The following MAD1L1 variants were observed in gnomAD, a reference collection of about 807,000 sequenced individuals.
MAD1L1 encodes the protein mitotic arrest deficient 1 like 1.
MAD1L1 carries 95 observed loss-of-function variants against 96.9 expected under a neutral mutation model. The observed-to-expected ratio is 0.98, with a 90% CI of 0.83 to 1.16. The LOEUF is 1.16. Among genes scored for constraint, MAD1L1 ranks in the 50% most tolerant of loss-of-function variants. The probability of loss-of-function intolerance (pLI) is 0.00; values close to 1 mark genes in which losing one functional copy is unlikely to be tolerated. For synonymous variants in MAD1L1, 473 were observed against 396.6 expected (o/e 1.19, Z -2.29); for missense variants, 1,007 against 954.4 (o/e 1.06, Z -0.73).
chr7:1,843,612 G>A (rs898469394), intron 18 of MAD1L1, among the ~76,000 whole-genome samples: 1 of 152,208 alleles, frequency 6.6e-6, no homozygotes, highest in Non-Finnish European at 1.5e-5. Context: ...CATTGCCAAA[G>A]TGCGTGCTTC....
In MAD1L1 at chr7:1,868,886, C is replaced by CCTG. The variant is rs1784907057; in HGVS notation, c.1998+29311_1998+29313dup. 2.0e-5 allele frequency among the ~76,000 whole-genome samples: 3 copies of CCTG among 152,336 alleles called. No individual in the cohort carries two copies. The South Asian group carries it at 6.2e-4, about 32-fold the overall frequency. On this transcript the variant is annotated intron_variant, in intron 18 of 18. Transcript: ENST00000265854. ...GCACACCAACCCTCTGCATGGAGAA[C>CCTG]CTGGCCTCTTCCCCACACGGACGAA...
In MAD1L1 at chr7:2,119,122, T is replaced by C. The variant is rs989922748; in HGVS notation, c.1073+30030A>G. Among the ~76,000 whole-genome samples, 2 of 152,058 alleles carry C rather than the reference T, an allele frequency of 1.3e-5. No homozygotes were observed. Among genetic ancestry groups the C allele is most frequent in the African/African-American group, 4.8e-5 (2 of 41,402 alleles). On this transcript the variant is annotated intron_variant, in intron 11 of 18. Coordinates refer to ENST00000265854, the MANE Select transcript of MAD1L1 (RefSeq NM_001013836.2). The surrounding 1 kb of genome is among the most constrained non-coding windows in gnomAD (Gnocchi z 4.6). ...GGTGACTGCTGCCCGGTGCTCTTGG[T>C]GAAGCCGTGTTTCCACAAAGCAAGA...
intron 16 of MAD1L1, among the ~76,000 whole-genome samples, chr7:1,955,816 A>G (rs1035626761): frequency 6.6e-6 from 1 of 152,314 alleles, no homozygotes; most frequent in South Asian, 2.1e-4. Flanking sequence ...GTTGCAGCCC[A>G]CAATGCACTG....
At chr7:1,925,697 A>G (rs1473802891) in intron 17 of MAD1L1, among the ~76,000 whole-genome samples, 1 of 152,274 alleles carries the variant, frequency 6.6e-6, no homozygotes, top group Non-Finnish European at 1.5e-5. Context: ...AAACTATGGT[A>G]CATCTTAATG....
intron 10 of MAD1L1, among the ~76,000 whole-genome samples, chr7:2,165,224 A>C (rs1379897956): frequency 6.6e-6 from 1 of 152,064 alleles, no homozygotes; most frequent in Non-Finnish European, 1.5e-5. Context: ...AGAAAAAGAA[A>C]AAAAATAGAA....
intron 17 of MAD1L1, among the ~76,000 whole-genome samples, chr7:1,905,664 G>C (rs1244771675): frequency 1.3e-5 from 2 of 152,242 alleles, no homozygotes; most frequent in Non-Finnish European, 2.9e-5. Context: ...GCTTGGAATA[G>C]CTCTGTGGGC....
chr7:2,192,716 C>T (rs1304813190), intron 10 of MAD1L1, among the ~76,000 whole-genome samples: 1 of 152,168 alleles, frequency 6.6e-6, no homozygotes, highest in African/African-American at 2.4e-5. Flanking sequence ...CCTAAACTAA[C>T]GTCATGCCCC....
intron 10 of MAD1L1, among the ~76,000 whole-genome samples, chr7:2,170,662 C>T (rs186839857): frequency 2.0e-5 from 3 of 152,086 alleles, no homozygotes; most frequent in African/African-American, 7.2e-5. Context: ...AGTTGCAAGA[C>T]GCAAAAGTGA....
intron 4 of MAD1L1, among the ~76,000 whole-genome samples, chr7:2,224,143 G>A (rs1241075886): frequency 6.6e-6 from 1 of 152,146 alleles, no homozygotes; most frequent in African/African-American, 2.4e-5. Flanking sequence ...AGAGTCGGGT[G>A]GGCCCTGCCC....
intron 11 of MAD1L1, among the ~76,000 whole-genome samples, chr7:2,094,313 T>C (rs956102950): frequency 3.3e-5 from 5 of 152,066 alleles, no homozygotes; most frequent in Admixed American, 3.3e-4. Flanking sequence ...AGCTCTCACA[T>C]CGGGAACGGG....
intron 18 of MAD1L1, among the ~76,000 whole-genome samples, chr7:1,880,734 G>C (rs1785636162): frequency 6.6e-6 from 1 of 152,250 alleles, no homozygotes; most frequent in Non-Finnish European, 1.5e-5. Context: ...CCTGAGGGCA[G>C]GCAAGCTGTA....
Position 1,898,245 on chromosome 7 carries a change from C to T in MAD1L1, c.1953G>A (p.Leu651=). 6.2e-7 allele frequency: 1 copy of T among 1,614,036 alleles called. No homozygotes were observed. The highest frequency in any genetic ancestry group is 8.5e-7 in the Non-Finnish European group (1 of 1,179,966). ...IDITTENQYR[L]TSLYAEHPGD... ...CTGGGTGCTCGGCGTACAGCGAGGT[C>T]AGCCGGTACTGGTTCTCCGTGGTGA... Residue 651 remains leucine (L), a synonymous_variant, in exon 18 of 19, where the codon CTG becomes CTA. Coordinates refer to ENST00000265854, the MANE Select transcript of MAD1L1 (RefSeq NM_001013836.2).
At chr7:1,821,866 G>A (rs1562425305) in intron 18 of MAD1L1, among the ~76,000 whole-genome samples, 1 of 152,178 alleles carries the variant, frequency 6.6e-6, no homozygotes, top group South Asian at 2.1e-4. Flanking sequence ...TTCGGTCAGC[G>A]GAGAGCTGGC....
At chr7:2,226,842 T>C (rs1025832155) in intron 3 of MAD1L1, among the ~76,000 whole-genome samples, 5 of 151,342 alleles carry the variant, frequency 3.3e-5, no homozygotes, top group Non-Finnish European at 5.9e-5. Flanking sequence ...ATACAAAAAT[T>C]AGCTGGTCGT....
chr7:2,162,202 G>T (rs1790183858), intron 10 of MAD1L1, among the ~76,000 whole-genome samples: 1 of 152,266 alleles, frequency 6.6e-6, no homozygotes, highest in Non-Finnish European at 1.5e-5. Flanking sequence ...TGTCTGTGTA[G>T]AAAGAAGTAG....
At chr7:1,961,416 T>G (rs1215669507) in intron 15 of MAD1L1, among the ~76,000 whole-genome samples, 1 of 151,806 alleles carries the variant, frequency 6.6e-6, no homozygotes, top group Non-Finnish European at 1.5e-5. Context: ...CAAAACAGAG[T>G]CCAGAAATAG....
At chr7:2,120,662 A>T (rs1342100513) in intron 11 of MAD1L1, among the ~76,000 whole-genome samples, 1 of 152,220 alleles carries the variant, frequency 6.6e-6, no homozygotes, top group East Asian at 1.9e-4. Context: ...CAACAACACA[A>T]AACCAAGGCG....
intron 11 of MAD1L1, among the ~76,000 whole-genome samples, chr7:2,132,279 T>C (rs1008029672): frequency 2.0e-5 from 3 of 152,244 alleles, no homozygotes; most frequent in Admixed American, 6.5e-5. Context: ...GTCCATTCAT[T>C]ACAACTGATG....
chr7:1,816,077 A>G lies in MAD1L1; in HGVS notation c.2150T>C (p.Val717Ala). 2 of 1,610,208 alleles carry G rather than the reference A, an allele frequency of 1.2e-6. No homozygotes were observed. Among genetic ancestry groups the G allele is most frequent in the African/African-American group, 1.3e-5 (1 of 75,008 alleles). Residue 717 changes from valine (V) to alanine (A), a missense_variant, in exon 19 of 19, where the codon GTG becomes GCG. Physicochemically the swap from Val to Ala is moderately conservative, Grantham distance 64. Coordinates refer to ENST00000265854, the MANE Select transcript of MAD1L1 (RefSeq NM_001013836.2). ...LTLELFSRQTVA is the reference protein window; with the variant it reads ...LTLELFSRQTAA ...TGCCCCCGAGCCTGCAGGCTACGCC[A>G]CGGTCTGGCGGCTGAAGAGCTCGAG... is the stretch of plus-strand genomic sequence containing the variant.
Sources: allele counts gnomAD v4.1 joint callset (sites outside exome capture counted in the v4.1 genomes callset), GRCh38; gene constraint gnomAD v4.1.1; non-coding constraint Gnocchi (gnomAD v3.1); transcripts MANE v1.5; gene names NCBI Gene and HGNC (gene_info 2026-07-23, HGNC 2026-07-21).